SYN3: variants seen among roughly 807,000 people sequenced by gnomAD.
SYN3 encodes the protein synapsin-3.
A neutral mutation model predicts 65.8 loss-of-function variants in SYN3; 35 were observed. That is an observed-to-expected ratio of 0.53 (90% CI 0.41 to 0.70). SYN3 has a LOEUF of 0.70. SYN3 is among the 30% of genes least tolerant of loss of function. The pLI, the probability that SYN3 is intolerant of heterozygous loss-of-function variation, is 0.00. For missense variants in SYN3, 680 were observed against 749.0 expected (o/e 0.91, Z 1.08); for synonymous variants, 270 against 292.9 (o/e 0.92, Z 0.80).
At chr22:32,962,341 G>A (rs1156621153) in intron 3 of SYN3, among the ~76,000 whole-genome samples, 2 of 151,850 alleles carry the variant, frequency 1.3e-5, no homozygotes, top group African/African-American at 4.8e-5. Flanking sequence ...TCACTATGTT[G>A]GCCAGGATGG....
At chr22:32,703,470 C>T (rs188316433) in intron 6 of SYN3, among the ~76,000 whole-genome samples, 2 of 152,172 alleles carry the variant, frequency 1.3e-5, no homozygotes, top group African/African-American at 2.4e-5. Flanking sequence ...AACCCCGTCT[C>T]TACTAAGAAT....
chr22:32,988,032 G>C (rs983072073), intron 2 of SYN3, among the ~76,000 whole-genome samples: 1 of 150,718 alleles, frequency 6.6e-6, no homozygotes, highest in Non-Finnish European at 1.5e-5. Flanking sequence ...ACTGAGGCCG[G>C]GAACAGTGGC....
intron 7 of SYN3, among the ~76,000 whole-genome samples, chr22:32,581,484 GA>G (rs1185512078): frequency 6.6e-6 from 1 of 152,136 alleles, no homozygotes; most frequent in African/African-American, 2.4e-5. Flanking sequence ...ATATAATTAG[GA>G]ATTGGCTGAG....
intron 6 of SYN3, among the ~76,000 whole-genome samples, chr22:32,830,859 G>A (rs567150348): frequency 7.9e-5 from 12 of 152,234 alleles, no homozygotes; most frequent in African/African-American, 2.9e-4. Context: ...GATGGTCTTC[G>A]CTGGCACGTA....
At chr22:32,514,843 C>CG (rs2057744747) in intron 13 of SYN3, among the ~76,000 whole-genome samples, 1 of 152,118 alleles carries the variant, frequency 6.6e-6, no homozygotes, top group South Asian at 2.1e-4. Flanking sequence ...GGTGAAACCC[C>CG]GTCTCTACTA....
intron 6 of SYN3, among the ~76,000 whole-genome samples, chr22:32,619,740 C>T (rs962113008): frequency 6.6e-6 from 1 of 152,160 alleles, no homozygotes; most frequent in Admixed American, 6.5e-5. Context: ...TCTGGGCTGG[C>T]CTTGAGACTT....
chr22:33,008,647 C>G (rs1308026482), intron 1 of SYN3, among the ~76,000 whole-genome samples: 5 of 152,078 alleles, frequency 3.3e-5, no homozygotes, highest in Non-Finnish European at 7.3e-5. Context: ...GGCATGGTGG[C>G]TCACACCTGT....
In SYN3 at chr22:32,968,288, T is replaced by C. The variant is rs928117677; in HGVS notation, c.369+12357A>G. 2.0e-5 allele frequency among the ~76,000 whole-genome samples: 3 copies of C among 152,318 alleles called. 1 individual carries two copies. The highest frequency in any genetic ancestry group is 4.1e-4 in the South Asian group (2 of 4,820). On this transcript the variant is annotated intron_variant, in intron 3 of 13. Coordinates refer to ENST00000358763, the MANE Select transcript of SYN3 (RefSeq NM_003490.4). ...CTTAACACTTATGAAGTCCCTTCCA[T>C]GTGCCTCCTACCCAAGCATCATATT...
At chr22:32,666,415 C>G (rs2060290650) in intron 6 of SYN3, among the ~76,000 whole-genome samples, 1 of 152,188 alleles carries the variant, frequency 6.6e-6, no homozygotes, top group South Asian at 2.1e-4. Flanking sequence ...CTCTTGTCCC[C>G]TTTGTCCCCT....
intron 1 of SYN3, among the ~76,000 whole-genome samples, chr22:33,035,195 A>C (rs2053830408): frequency 6.6e-6 from 1 of 152,166 alleles, no homozygotes; most frequent in South Asian, 2.1e-4. Context: ...GATGACGATG[A>C]TAGTAATAAT....
chr22:32,547,002 A>G (rs2058345700), intron 7 of SYN3, among the ~76,000 whole-genome samples: 1 of 151,786 alleles, frequency 6.6e-6, no homozygotes, highest in South Asian at 2.1e-4. Context: ...ATGTTGAGAC[A>G]GAGTCTCTCT....
chr22:32,569,780 G>T (rs2058734781), intron 7 of SYN3, among the ~76,000 whole-genome samples: 1 of 152,040 alleles, frequency 6.6e-6, no homozygotes, highest in African/African-American at 2.4e-5. Flanking sequence ...CCGTAAAATG[G>T]GGTTTGTAAT....
chr22:33,028,829 A>G (rs2053694930), intron 1 of SYN3, among the ~76,000 whole-genome samples: 1 of 152,104 alleles, frequency 6.6e-6, no homozygotes, highest in South Asian at 2.1e-4. Context: ...TCACGAGGTC[A>G]GGAGATCGAG....
At chr22:32,946,055 A>C (rs1309165534) in intron 3 of SYN3, among the ~76,000 whole-genome samples, 1 of 144,428 alleles carries the variant, frequency 6.9e-6, no homozygotes, top group Non-Finnish European at 1.5e-5. Context: ...GGTGCTGGAG[A>C]GGATGTGGAG....
At chr22:32,966,659 A>C (rs995628772) in intron 3 of SYN3, among the ~76,000 whole-genome samples, 8 of 152,208 alleles carry the variant, frequency 5.3e-5, no homozygotes, top group African/African-American at 1.9e-4. Flanking sequence ...TCACACCTGT[A>C]ATGTCAGCAC....
At chr22:32,628,859 A>G (rs1056973346) in intron 6 of SYN3, among the ~76,000 whole-genome samples, 6 of 152,018 alleles carry the variant, frequency 3.9e-5, no homozygotes, top group Non-Finnish European at 7.4e-5. Flanking sequence ...TGTGCTTTCA[A>G]TTTCCCTCGT....
intron 6 of SYN3, among the ~76,000 whole-genome samples, chr22:32,802,303 G>T (rs536106538): frequency 6.6e-6 from 1 of 152,244 alleles, no homozygotes; most frequent in South Asian, 2.1e-4. Flanking sequence ...GAGAGGGGAA[G>T]ATGCCCTGCA....
chr22:33,027,664 GAAAA>G (rs1004272304), intron 1 of SYN3, among the ~76,000 whole-genome samples: 4 of 151,086 alleles, frequency 2.6e-5, no homozygotes, highest in African/African-American at 7.3e-5. Context: ...AGAAAAGAAA[GAAAA>G]AGAAAGAAAA....
intron 6 of SYN3, among the ~76,000 whole-genome samples, chr22:32,644,146 A>AGG (rs1386805668): frequency 1.4e-5 from 2 of 145,384 alleles, no homozygotes; most frequent in Admixed American, 1.4e-4. Context: ...CTATTCAGGG[A>AGG]GGGAGATGGG....
Sources: gnomAD v4.1 joint callset for allele counts (sites outside exome capture counted in the v4.1 genomes callset) on GRCh38, gnomAD v4.1.1 for gene constraint, MANE v1.5 for transcripts, NCBI Gene and HGNC (gene_info 2026-07-23, HGNC 2026-07-21) for gene names.